NRXN1: variants seen among roughly 807,000 people sequenced by gnomAD.
NRXN1 encodes the protein neurexin 1, also known as neurexin-1.
In NRXN1, 39 loss-of-function variants were observed where a neutral mutation model predicts 150.9. The ratio of observed to expected loss-of-function variants is 0.26; its 90% CI spans 0.20 to 0.34. The LOEUF (loss-of-function observed/expected upper bound fraction) is 0.34, where lower values mean the gene tolerates loss of function less well. NRXN1 is among the 10% of genes least tolerant of loss of function. The pLI is 1.00. For missense variants in NRXN1, 1,815 were observed against 1,949.9 expected, an observed-to-expected ratio of 0.93 and a Z score of 1.30; for synonymous variants, 924 against 757.0, an observed-to-expected ratio of 1.22 and a Z score of -3.62.
rs538339323 is a variant in NRXN1 at position 50,851,183 on chromosome 2, C to A, written c.832+70686G>T. Reference sequence around the variant, plus strand: ...TGCAGTCACTTAGTACACATTGTTTCCTGCCTTAAGAGGAGCCATAGGTCT... The same window carrying A: ...TGCAGTCACTTAGTACACATTGTTTACTGCCTTAAGAGGAGCCATAGGTCT... On this transcript the variant is annotated intron_variant, in intron 5 of 22. Transcript: ENST00000401669. Among the ~76,000 whole-genome samples, 5 of 152,198 alleles carry A rather than the reference C, an allele frequency of 3.3e-5. No individual in the cohort carries two copies. The East Asian group carries it at 9.7e-4, about 30-fold the overall frequency.
rs28477465 is a variant in NRXN1 at position 50,654,205 on chromosome 2, A to T, written c.833-30590T>A. Among the ~76,000 whole-genome samples, 2 of 36,758 alleles carry T rather than the reference A, an allele frequency of 5.4e-5. 1 individual carries two copies. The highest frequency in any genetic ancestry group is 1.2e-4 in the Non-Finnish European group (2 of 17,182). The allele number at this position is 36,758 out of a possible 152,430, so 24.1% of individuals were successfully genotyped here. A position where few individuals can be genotyped will look rare whatever the true frequency, so the allele number is the denominator to read the frequency against. The stretch of plus-strand genomic sequence containing the variant: ...CTCCCCCCACCCCACAACAGGCCCC[A>T]GTGTGATGTTCCCCTTCCTGTGTCC... On this transcript the variant is annotated intron_variant, in intron 5 of 22. Coordinates refer to ENST00000401669, the MANE Select transcript of NRXN1 (RefSeq NM_001330078.2).
At chr2:50,350,264 T>C (rs905801584) in intron 17 of NRXN1, among the ~76,000 whole-genome samples, 4 of 152,176 alleles carry the variant, frequency 2.6e-5, no homozygotes, top group African/African-American at 9.7e-5. Context: ...AAGAAACATA[T>C]CTAATATGTA....
At chr2:50,655,001 C>T (rs1474351822) in intron 5 of NRXN1, among the ~76,000 whole-genome samples, 1 of 151,782 alleles carries the variant, frequency 6.6e-6, no homozygotes, top group Non-Finnish European at 1.5e-5. Context: ...TAAAAAAGGT[C>T]TAATTAATTT....
chr2:50,220,514 C>T (rs1039846227), intron 18 of NRXN1, among the ~76,000 whole-genome samples: 7 of 151,964 alleles, frequency 4.6e-5, no homozygotes, highest in African/African-American at 1.4e-4. Flanking sequence ...CTCTTTCACA[C>T]TTTAGATTTC....
At chr2:50,758,921 T>C (rs943126039) in intron 5 of NRXN1, among the ~76,000 whole-genome samples, 1 of 151,904 alleles carries the variant, frequency 6.6e-6, no homozygotes, top group South Asian at 2.1e-4. Flanking sequence ...GGCTAATTGG[T>C]AATTCAAGTT....
chr2:50,184,005 C>T (rs1055646207), intron 18 of NRXN1, among the ~76,000 whole-genome samples: 1 of 151,910 alleles, frequency 6.6e-6, no homozygotes, highest in Non-Finnish European at 1.5e-5. Context: ...GTCAGTTACA[C>T]TGAATATATT....
chr2:50,150,779 G>A (rs1286203345), intron 18 of NRXN1, among the ~76,000 whole-genome samples: 1 of 151,664 alleles, frequency 6.6e-6, no homozygotes, highest in Non-Finnish European at 1.5e-5. Context: ...GGAGCCCATA[G>A]GGATTGCTAT....
rs113905983 is a variant in NRXN1 at position 50,860,915 on chromosome 2, T to C, written c.832+60954A>G. On this transcript the variant is annotated intron_variant, in intron 5 of 22. Coordinates refer to ENST00000401669, the MANE Select transcript of NRXN1 (RefSeq NM_001330078.2). ...TAAAAAGGTCTTTGATGTTTCATAG[T>C]ATCTAACGTTGTTGCCTAGTTCTCT... Among the ~76,000 whole-genome samples the C allele has an allele frequency of 2.0e-5, 3 of 152,238 alleles. 1 individual carries two copies. Among genetic ancestry groups the C allele is most frequent in the African/African-American group, 4.8e-5 (2 of 41,576 alleles).
intron 5 of NRXN1, among the ~76,000 whole-genome samples, chr2:50,739,456 C>G (rs1375229023): frequency 6.6e-6 from 1 of 152,086 alleles, no homozygotes; most frequent in Non-Finnish European, 1.5e-5. Context: ...TTTACCTAAG[C>G]AAACCTGCAA....
intron 17 of NRXN1, among the ~76,000 whole-genome samples, chr2:50,389,968 G>T (rs751854712): frequency 1.3e-5 from 2 of 152,060 alleles, no homozygotes; most frequent in Non-Finnish European, 2.9e-5. Flanking sequence ...TTTCAGACTG[G>T]CATGTCAAAC....
chr2:50,583,899 T>C (rs894020514), intron 8 of NRXN1, among the ~76,000 whole-genome samples: 2 of 152,216 alleles, frequency 1.3e-5, no homozygotes, highest in Non-Finnish European at 2.9e-5. Flanking sequence ...TATCATGTGC[T>C]TAAAATCCCT....
chr2:50,133,437 A>G (rs1158850468), intron 18 of NRXN1, among the ~76,000 whole-genome samples: 3 of 152,214 alleles, frequency 2.0e-5, no homozygotes, highest in East Asian at 3.9e-4. Flanking sequence ...TGTGCTTATA[A>G]CATAGGTGGA....
rs541341612 is a variant in NRXN1 at position 50,206,458 on chromosome 2, C to T, written c.3546+30331G>A. ...TTCTTTCTAGTCAGCTGCATCTACC[C>T]AGGCTTAATTTCAATCTATTGCTCC... On this transcript the variant is annotated intron_variant, in intron 18 of 22. Coordinates refer to ENST00000401669, the MANE Select transcript of NRXN1 (RefSeq NM_001330078.2). 3.9e-5 allele frequency among the ~76,000 whole-genome samples: 6 copies of T among 152,114 alleles called. No individual in the cohort carries two copies. The South Asian group carries it at 1.2e-3, about 32-fold the overall frequency.
chr2:50,291,331 G>A (rs2072901181), intron 17 of NRXN1, among the ~76,000 whole-genome samples: 1 of 152,040 alleles, frequency 6.6e-6, no homozygotes, highest in Non-Finnish European at 1.5e-5. Context: ...TTTAAAACGA[G>A]TTAAGAGTTT....
chr2:50,073,334 C>G (rs1411839111), intron 19 of NRXN1, among the ~76,000 whole-genome samples: 3 of 152,150 alleles, frequency 2.0e-5, no homozygotes, highest in African/African-American at 7.2e-5. Context: ...AGCATAAGTC[C>G]AGACACATAG....
At chr2:50,773,210 A>G (rs1022482664) in intron 5 of NRXN1, among the ~76,000 whole-genome samples, 3 of 151,660 alleles carry the variant, frequency 2.0e-5, no homozygotes, top group East Asian at 3.9e-4. Context: ...CCCAATCCAC[A>G]CTCCTGCTCT....
At chr2:50,432,066 G>C (rs891271022) in intron 17 of NRXN1, among the ~76,000 whole-genome samples, 2 of 152,138 alleles carry the variant, frequency 1.3e-5, no homozygotes, top group African/African-American at 2.4e-5. Flanking sequence ...AGTATTGCTC[G>C]ATGTTAGCTA....
chr2:50,696,113 G>C (rs1031484128), intron 5 of NRXN1: 32 of 151,830 alleles, frequency 2.1e-4, no homozygotes, highest in Admixed American at 2.0e-4. Flanking sequence ...AAAGTGCTAG[G>C]ATTACAGGCA....
intron 17 of NRXN1, among the ~76,000 whole-genome samples, chr2:50,261,824 T>C (rs1357721973): frequency 1.3e-5 from 2 of 151,922 alleles, no homozygotes; most frequent in African/African-American, 2.4e-5. Flanking sequence ...AAAAATAAGA[T>C]TGCAAATGTG....
Sources: allele counts gnomAD v4.1 joint callset (sites outside exome capture counted in the v4.1 genomes callset), GRCh38; gene constraint gnomAD v4.1.1; transcripts MANE v1.5; gene names NCBI Gene and HGNC (gene_info 2026-07-23, HGNC 2026-07-21).